MAP3K13: variants seen among roughly 807,000 people sequenced by gnomAD.
The protein encoded by MAP3K13 is mitogen-activated protein kinase kinase kinase 13.
A neutral mutation model predicts 104.0 loss-of-function variants in MAP3K13; 52 were observed. The ratio of observed to expected loss-of-function variants is 0.50; its 90% CI spans 0.40 to 0.63. The LOEUF (loss-of-function observed/expected upper bound fraction) is 0.63, where lower values mean the gene tolerates loss of function less well. Among genes scored for constraint, MAP3K13 ranks in the 20% least tolerant of loss-of-function variants. The pLI is 0.00. For synonymous variants in MAP3K13, 394 were observed against 442.2 expected (o/e 0.89, Z 1.37); for missense variants, 914 against 1,218.5 (o/e 0.75, Z 3.72).
chr3:185,455,849 T>TATATGAGATATATATGAGATATAGATGAG (rs1248462409), intron 7 of MAP3K13, among the ~76,000 whole-genome samples: 1 of 91,122 alleles, frequency 1.1e-5, no homozygotes, highest in African/African-American at 3.5e-5. Flanking sequence ...ATATGAGATA[T>TATATGAGATATATATGAGATATAGATGAG]ATATGAGATA....
At chr3:185,391,319 A>G (rs1040814367) in intron 1 of MAP3K13, among the ~76,000 whole-genome samples, 4 of 152,226 alleles carry the variant, frequency 2.6e-5, no homozygotes, top group South Asian at 4.1e-4. Context: ...ATGAAATCAT[A>G]CAATATTTGT....
At chr3:185,426,515 A>G (rs1172598042) in intron 1 of MAP3K13, among the ~76,000 whole-genome samples, 1 of 152,206 alleles carries the variant, frequency 6.6e-6, no homozygotes, top group Admixed American at 6.5e-5. Context: ...TTAATCCATA[A>G]TCCGCAATAT....
At chr3:185,352,233 T>A (rs970923686) in intron 2 of MAP3K13, among the ~76,000 whole-genome samples, 18 of 152,034 alleles carry the variant, frequency 1.2e-4, no homozygotes, top group African/African-American at 3.6e-4. Context: ...TCACCTGAGG[T>A]TGGGAGTTTG....
At chr3:185,392,420 T>C (rs1354756369) in intron 1 of MAP3K13, among the ~76,000 whole-genome samples, 1 of 152,184 alleles carries the variant, frequency 6.6e-6, no homozygotes, top group Non-Finnish European at 1.5e-5. Context: ...GTAACAGAGA[T>C]GAGCCCTAAA....
At chr3:185,385,507 G>A (rs759820576) in intron 1 of MAP3K13, among the ~76,000 whole-genome samples, 4 of 151,268 alleles carry the variant, frequency 2.6e-5, no homozygotes, top group Non-Finnish European at 5.9e-5. Flanking sequence ...GAACTAACAC[G>A]AATTCTTCTC....
At chr3:185,477,420 T>C (rs747059551) in intron 12 of MAP3K13, 24 bp downstream of exon 12, 14 of 1,575,742 alleles carry the variant, frequency 8.9e-6, no homozygotes, top group African/African-American at 8.1e-5. Context: ...ATGCACACGA[T>C]TGCTTTTAGT....
chr3:185,399,238 GA>G (rs1322254117), intron 1 of MAP3K13, among the ~76,000 whole-genome samples: 1 of 151,950 alleles, frequency 6.6e-6, no homozygotes, highest in East Asian at 1.9e-4. Context: ...TTACCCTTGA[GA>G]AAAAAATGCT....
intron 1 of MAP3K13, among the ~76,000 whole-genome samples, chr3:185,363,683 G>T (rs1350568848): frequency 6.6e-6 from 1 of 152,242 alleles, no homozygotes; most frequent in Non-Finnish European, 1.5e-5. Flanking sequence ...GATGTGGATG[G>T]TATTAGCAGA....
At chr3:185,470,379 T>C (rs1717705547) in intron 10 of MAP3K13, among the ~76,000 whole-genome samples, 1 of 152,208 alleles carries the variant, frequency 6.6e-6, no homozygotes, top group Admixed American at 6.5e-5. Flanking sequence ...AGGTGTAACT[T>C]CAGGCCTCTG....
At chr3:185,415,573 ATTTCTT>A (rs1713710560) in intron 1 of MAP3K13, among the ~76,000 whole-genome samples, 2 of 119,450 alleles carry the variant, frequency 1.7e-5, no homozygotes, top group Non-Finnish European at 3.4e-5. Context: ...AGAAGGGTTA[ATTTCTT>A]TTTTTTTTTT....
intron 2 of MAP3K13, among the ~76,000 whole-genome samples, chr3:185,353,950 C>G (rs1723242232): frequency 6.6e-6 from 1 of 152,062 alleles, no homozygotes; most frequent in Admixed American, 6.5e-5. Flanking sequence ...TTAATTCAAG[C>G]TCTGGGTAAG....
chr3:185,297,435 A>G (rs1170503695), intron 2 of MAP3K13, among the ~76,000 whole-genome samples: 1 of 152,072 alleles, frequency 6.6e-6, no homozygotes, highest in African/African-American at 2.4e-5. Context: ...ATAATTGGCA[A>G]CTTAGAAATA....
intron 2 of MAP3K13, among the ~76,000 whole-genome samples, chr3:185,343,794 G>C (rs1359035599): frequency 6.6e-6 from 1 of 152,226 alleles, no homozygotes; most frequent in Non-Finnish European, 1.5e-5. Flanking sequence ...AAAATCAGGA[G>C]GGTAAAAGAT....
At position 185,428,707 on chromosome 3, in the gene MAP3K13, G is replaced by C. The variant is rs2108802028; in HGVS notation, c.126G>C (p.Leu42=). 1 of 1,614,188 alleles carries C rather than the reference G, an allele frequency of 6.2e-7. No individual in the cohort carries two copies. Among genetic ancestry groups the C allele is most frequent in the Non-Finnish European group, 8.5e-7 (1 of 1,180,028 alleles). The change falls in exon 2 of 14, where the codon CTG becomes CTC. Residue 42 remains leucine, a synonymous_variant. Coordinates refer to ENST00000265026, the MANE Select transcript of MAP3K13 (RefSeq NM_004721.5). ...TAMGNHPSPK[L]LEDQQEKGMV... The stretch of plus-strand genomic sequence containing the variant: ...TGGGGAACCACCCTTCTCCCAAGCT[G>C]CTCGAGGACCAGCAGGAAAAGGGGA...
At chr3:185,420,923 C>T (rs554903057) in intron 1 of MAP3K13, among the ~76,000 whole-genome samples, 1 of 152,274 alleles carries the variant, frequency 6.6e-6, no homozygotes, top group Non-Finnish European at 1.5e-5. Flanking sequence ...ATTGGCAGTG[C>T]CCTGCCAAAT....
intron 1 of MAP3K13, among the ~76,000 whole-genome samples, chr3:185,401,460 G>C (rs1712810071): frequency 1.3e-5 from 2 of 152,252 alleles, no homozygotes; most frequent in African/African-American, 4.8e-5. Context: ...TCTATGGATG[G>C]CTGCACTGAT....
intron 7 of MAP3K13, among the ~76,000 whole-genome samples, chr3:185,457,190 G>A (rs1256734072): frequency 2.0e-5 from 3 of 152,066 alleles, no homozygotes; most frequent in African/African-American, 4.8e-5. Flanking sequence ...CCATAGCATG[G>A]AGCATTAAAA....
chr3:185,334,777 T>C (rs1722417104), intron 2 of MAP3K13, among the ~76,000 whole-genome samples: 1 of 152,196 alleles, frequency 6.6e-6, no homozygotes, highest in South Asian at 2.1e-4. Flanking sequence ...CGTGGCTAAT[T>C]TTTGTATTTT....
chr3:185,374,849 G>A (rs955913726), intron 1 of MAP3K13, among the ~76,000 whole-genome samples: 3 of 152,126 alleles, frequency 2.0e-5, no homozygotes, highest in African/African-American at 4.8e-5. Context: ...AAATGGCTAG[G>A]AGAGAGTGAC....
Sources: gnomAD v4.1 joint callset for allele counts (sites outside exome capture counted in the v4.1 genomes callset) on GRCh38, gnomAD v4.1.1 for gene constraint, MANE v1.5 for transcripts, NCBI Gene and HGNC (gene_info 2026-07-23, HGNC 2026-07-21) for gene names.